The following RGS7 variants were observed in gnomAD, a reference collection of about 807,000 sequenced individuals.
RGS7 encodes regulator of G protein signaling 7.
Under a neutral mutation model 81.1 loss-of-function variants are expected in RGS7, and 27 were observed. The observed-to-expected ratio is 0.33, with a 90% CI of 0.25 to 0.46. The LOEUF (loss-of-function observed/expected upper bound fraction) is 0.46. Among genes scored for constraint, RGS7 ranks in the 20% least tolerant of loss-of-function variants. The pLI is 1.00. For missense variants in RGS7, 396 were observed against 607.4 expected, an observed-to-expected ratio of 0.65 and a Z score of 3.66; for synonymous variants, 208 against 207.7, an observed-to-expected ratio of 1.00 and a Z score of -0.01.
chr1:241,315,622 T>C (rs1056829115), intron 2 of RGS7, among the ~76,000 whole-genome samples: 1 of 152,208 alleles, frequency 6.6e-6, no homozygotes, highest in African/African-American at 2.4e-5. Context: ...CTTCTACATA[T>C]AAGGTCATGT....
In RGS7 at chr1:240,932,947, G is replaced by T. The variant is rs1268547366; in HGVS notation, c.334-2179C>A. On this transcript the variant is annotated intron_variant, in intron 5 of 18. Transcript: ENST00000440928. ...CGCCCAGGCTGGACTGCAGTGGCGC[G>T]ATCTCGGCTCACTGCAAGCTCCGCC... Among the ~76,000 whole-genome samples, 7 of 132,546 alleles carry T rather than the reference G, an allele frequency of 5.3e-5. No homozygotes were observed. The South Asian group carries it at 7.2e-4, about 14-fold the overall frequency. The allele number at this position is 132,546 out of a possible 152,430, so 87.0% of individuals were successfully genotyped here.
intron 18 of RGS7, among the ~76,000 whole-genome samples, chr1:240,799,366 C>T (rs1687654613): frequency 1.4e-5 from 2 of 139,406 alleles, no homozygotes; most frequent in Admixed American, 1.4e-4. Flanking sequence ...TTTTTTTTTC[C>T]ACTTCTCTTT....
intron 6 of RGS7, among the ~76,000 whole-genome samples, chr1:240,896,250 G>A (rs1669073475): frequency 6.6e-6 from 1 of 152,124 alleles, no homozygotes; most frequent in Non-Finnish European, 1.5e-5. Context: ...TCACTCTGAT[G>A]GTAGTTTCTT....
intron 9 of RGS7, among the ~76,000 whole-genome samples, chr1:240,865,515 A>T (rs1663079943): frequency 6.6e-6 from 1 of 152,246 alleles, no homozygotes; most frequent in South Asian, 2.1e-4. Context: ...AGCTTCACAG[A>T]TCCTGTCTAG....
At chr1:240,863,962 C>T (rs1430084322) in intron 9 of RGS7, among the ~76,000 whole-genome samples, 1 of 152,108 alleles carries the variant, frequency 6.6e-6, no homozygotes, top group Non-Finnish European at 1.5e-5. Flanking sequence ...CTTGCTGGAG[C>T]TACTTACCTG....
At chr1:241,270,083 T>C (rs2077792194) in intron 2 of RGS7, among the ~76,000 whole-genome samples, 1 of 152,210 alleles carries the variant, frequency 6.6e-6, no homozygotes, top group African/African-American at 2.4e-5. Context: ...AATCCACCTC[T>C]TTTCCTTTAG....
At chr1:241,189,976 ACCT>A (rs1014940464) in intron 2 of RGS7, among the ~76,000 whole-genome samples, 5 of 152,000 alleles carry the variant, frequency 3.3e-5, no homozygotes, top group African/African-American at 1.2e-4. Flanking sequence ...GGTGGTGGGC[ACCT>A]GTAGTCCCAG....
chr1:240,881,719 T>G (rs1031868572), intron 6 of RGS7, among the ~76,000 whole-genome samples: 6 of 152,104 alleles, frequency 3.9e-5, no homozygotes, highest in African/African-American at 7.2e-5. Context: ...GGAAATTGAA[T>G]CTTAATAAAA....
chr1:241,135,587 TGG>T (rs1269874062), intron 2 of RGS7, among the ~76,000 whole-genome samples: 4 of 152,110 alleles, frequency 2.6e-5, no homozygotes, highest in African/African-American at 9.7e-5. Context: ...ATAATGGCAC[TGG>T]GTTTACCTAG....
intron 2 of RGS7, among the ~76,000 whole-genome samples, chr1:241,276,675 A>C (rs1328768984): frequency 6.6e-6 from 1 of 152,210 alleles, no homozygotes; most frequent in Non-Finnish European, 1.5e-5. Context: ...TGATAAAAGT[A>C]TTTTGAAGAA....
intron 3 of RGS7, among the ~76,000 whole-genome samples, chr1:241,003,626 T>C (rs1300048439): frequency 6.6e-6 from 1 of 151,942 alleles, no homozygotes; most frequent in African/African-American, 2.4e-5. Flanking sequence ...GGATTTTGAG[T>C]TTGCATCAAA....
chr1:241,230,123 C>A (rs1302692396), intron 2 of RGS7, among the ~76,000 whole-genome samples: 1 of 152,058 alleles, frequency 6.6e-6, no homozygotes, highest in African/African-American at 2.4e-5. Context: ...CTTTTCTAAC[C>A]TTGCCTTATA....
At chr1:241,241,353 A>C (rs2076249505) in intron 2 of RGS7, among the ~76,000 whole-genome samples, 1 of 151,880 alleles carries the variant, frequency 6.6e-6, no homozygotes, top group Non-Finnish European at 1.5e-5. Flanking sequence ...GTAATGACAA[A>C]AACCACAATT....
chr1:240,912,294 A>G (rs1671903217), intron 6 of RGS7, among the ~76,000 whole-genome samples: 2 of 152,156 alleles, frequency 1.3e-5, no homozygotes, highest in Admixed American at 6.5e-5. Context: ...AAGCAGGAGT[A>G]ACATTTAAAA....
chr1:241,299,724 T>C (rs1409068867), intron 2 of RGS7, among the ~76,000 whole-genome samples: 2 of 151,940 alleles, frequency 1.3e-5, no homozygotes. Flanking sequence ...CTGGTACGAT[T>C]ACATATGAGC....
At chr1:241,034,901 G>A (rs1426480374) in intron 3 of RGS7, among the ~76,000 whole-genome samples, 1 of 152,172 alleles carries the variant, frequency 6.6e-6, no homozygotes, top group Non-Finnish European at 1.5e-5. Flanking sequence ...AGAGAGTGGA[G>A]CAAAACTTAT....
At chr1:240,977,232 A>G (rs1684263565) in intron 4 of RGS7, among the ~76,000 whole-genome samples, 1 of 151,960 alleles carries the variant, frequency 6.6e-6, no homozygotes, top group Non-Finnish European at 1.5e-5. Context: ...TCTTCCTTCC[A>G]ATCCCCCTGC....
intron 2 of RGS7, among the ~76,000 whole-genome samples, chr1:241,335,755 G>T (rs990088904): frequency 6.6e-6 from 1 of 151,972 alleles, no homozygotes; most frequent in African/African-American, 2.4e-5. Flanking sequence ...AGTTTTCCAG[G>T]GGCTGCAGGA....
chr1:241,115,074 A>C (rs181103571), intron 2 of RGS7, among the ~76,000 whole-genome samples: 26 of 152,358 alleles, frequency 1.7e-4, no homozygotes, highest in Non-Finnish European at 3.5e-4. Flanking sequence ...ACCAATCATT[A>C]CATTGCTGTA....
Sources: gnomAD v4.1 joint callset for allele counts (sites outside exome capture counted in the v4.1 genomes callset) on GRCh38, gnomAD v4.1.1 for gene constraint, MANE v1.5 for transcripts, NCBI Gene and HGNC (gene_info 2026-07-23, HGNC 2026-07-21) for gene names.